Variants in TUBGCP3 observed in about 807,000 individuals in gnomAD.
TUBGCP3 encodes gamma-tubulin complex component 3.
Under a neutral mutation model 123.1 loss-of-function variants are expected in TUBGCP3, and 50 were observed. The observed-to-expected ratio is 0.41, with a 90% CI of 0.32 to 0.51. TUBGCP3 has a LOEUF of 0.51. Among genes scored for constraint, TUBGCP3 ranks in the 20% least tolerant of loss-of-function variants. TUBGCP3 has a pLI of 0.36. For missense variants in TUBGCP3, 882 were observed against 1,127.0 expected (o/e 0.78, Z 3.11); for synonymous variants, 405 against 413.9 (o/e 0.98, Z 0.26).
At position 112,588,101 on chromosome 13, in the gene TUBGCP3, G is replaced by A. The variant is rs1882765910; in HGVS notation, c.-121C>T. ...CTCCCTGCTCCTGACAGGCTAAGGC[G>A]CGGGCGCCGCCGGCCACCAGGGCGC... On this transcript the variant is annotated 5_prime_UTR_variant, in exon 1 of 22. Transcript: ENST00000261965. 1 of 891,016 alleles carries A rather than the reference G, an allele frequency of 1.1e-6. No homozygotes were observed. Among genetic ancestry groups the A allele is most frequent in the South Asian group, 3.2e-5 (1 of 31,296 alleles). 55.2% of individuals were successfully genotyped at this position (891,016 alleles called of 1,614,324 possible).
intron 1 of TUBGCP3, among the ~76,000 whole-genome samples, chr13:112,569,892 A>G (rs750881093): frequency 2.0e-5 from 3 of 152,186 alleles, no homozygotes; most frequent in Non-Finnish European, 2.9e-5. Flanking sequence ...GGACAATGAA[A>G]CCGGAACACT....
At chr13:112,559,290 G>T (rs887079958) in intron 4 of TUBGCP3, 32 bp downstream of exon 4, 1 of 1,589,580 alleles carries the variant, frequency 6.3e-7, no homozygotes, top group East Asian at 2.3e-5. Context: ...GTGTCCCGAC[G>T]GACACGACGC....
At chr13:112,579,652 G>C (rs2139319351) in intron 1 of TUBGCP3, among the ~76,000 whole-genome samples, 1 of 150,708 alleles carries the variant, frequency 6.6e-6, no homozygotes. Context: ...AGTGGGGGTG[G>C]AGCCATGGCA....
At chr13:112,581,100 C>A (rs771198335) in intron 1 of TUBGCP3, among the ~76,000 whole-genome samples, 46 of 152,288 alleles carry the variant, frequency 3.0e-4, no homozygotes, top group African/African-American at 1.1e-3. Flanking sequence ...CCTTGCTCCC[C>A]ACATTGCACT....
chr13:112,549,774 G>C, intron 8 of TUBGCP3, among the ~76,000 whole-genome samples: 1 of 151,882 alleles, frequency 6.6e-6, no homozygotes, highest in African/African-American at 2.4e-5. Flanking sequence ...CGGATCACGA[G>C]GCCAGGAGAT....
At chr13:112,556,569 C>G (rs889087250) in intron 5 of TUBGCP3, among the ~76,000 whole-genome samples, 1 of 152,160 alleles carries the variant, frequency 6.6e-6, no homozygotes, top group African/African-American at 2.4e-5. Context: ...CACCCCATAA[C>G]CACTTTGAAA....
upstream of TUBGCP3, among the ~76,000 whole-genome samples, chr13:112,590,392 A>G (rs982295643): frequency 6.6e-6 from 1 of 152,172 alleles, no homozygotes; most frequent in Admixed American, 6.5e-5. Flanking sequence ...GCTCACGGGT[A>G]TACAGTCAGG....
At chr13:112,517,806 G>A (rs1158248047) in intron 16 of TUBGCP3, among the ~76,000 whole-genome samples, 3 of 152,062 alleles carry the variant, frequency 2.0e-5, no homozygotes, top group African/African-American at 7.2e-5. Flanking sequence ...CAGGAGAATC[G>A]CTTGAATCTC....
At chr13:112,503,925 C>T in intron 19 of TUBGCP3, 107 bp downstream of exon 19, 4 of 1,325,762 alleles carry the variant, frequency 3.0e-6, no homozygotes, top group East Asian at 4.7e-5. Flanking sequence ...GAATTATTAC[C>T]AATGTGGCTG....
At chr13:112,491,514 G>C (rs1880101509) in intron 20 of TUBGCP3, among the ~76,000 whole-genome samples, 1 of 152,144 alleles carries the variant, frequency 6.6e-6, no homozygotes, top group Non-Finnish European at 1.5e-5. Flanking sequence ...TTACTGTTTT[G>C]TGCTCTGAAC....
intron 1 of TUBGCP3, among the ~76,000 whole-genome samples, 189 bp downstream of exon 1, chr13:112,587,716 C>G (rs1882717933): frequency 6.6e-6 from 1 of 152,158 alleles, no homozygotes; most frequent in African/African-American, 2.4e-5. Flanking sequence ...GCTGTCCTCC[C>G]CGGCTCCCTG....
chr13:112,526,968 G>A lies in TUBGCP3; in HGVS notation c.1529C>T (p.Thr510Ile), dbSNP rs1877183985. 1.2e-6 allele frequency: 2 copies of A among 1,613,954 alleles called. No homozygotes were observed. Among genetic ancestry groups the A allele is most frequent in the Non-Finnish European group, 1.7e-6 (2 of 1,179,984 alleles). ...QTPTTKMIAVTKSAESPQDAA... is the reference protein window; with the variant it reads ...QTPTTKMIAVIKSAESPQDAA... ...GTCCTGGGGTGACTCTGCAGACTTG[G>A]TCACAGCTATCATCTTTGTAGTGGG... is the stretch of plus-strand genomic sequence containing the variant. The change falls in exon 13 of 22, where the codon ACC (threonine) becomes ATC (isoleucine). Residue 510 changes from threonine to isoleucine, a missense_variant. By Grantham distance (89) the Thr-to-Ile change is moderately conservative. Transcript: ENST00000261965.
At chr13:112,574,687 CT>C (rs1035449488) in intron 1 of TUBGCP3, among the ~76,000 whole-genome samples, 2 of 152,220 alleles carry the variant, frequency 1.3e-5, no homozygotes, top group African/African-American at 4.8e-5. Flanking sequence ...ATGTAAAACT[CT>C]GGCAAAAATA....
chr13:112,548,015 G>T, intron 9 of TUBGCP3, 93 bp downstream of exon 9: 1 of 1,000,936 alleles, frequency 1.0e-6, no homozygotes, highest in Non-Finnish European at 1.4e-6. Flanking sequence ...TATTTTAAAA[G>T]TAATGTATGA....
chr13:112,555,610 T>A lies in TUBGCP3; in HGVS notation c.721+442A>T, dbSNP rs1352319431. Among the ~76,000 whole-genome samples, 11 of 152,228 alleles carry A rather than the reference T, an allele frequency of 7.2e-5. No individual in the cohort carries two copies. The East Asian group carries it at 2.1e-3, about 29-fold the overall frequency. Reference sequence around the variant, plus strand: ...AATTCCTCAATGACTCTCTTCGACGTGCCAGGCACTGTGCTGAGCACTGGC... The same window carrying A: ...AATTCCTCAATGACTCTCTTCGACGAGCCAGGCACTGTGCTGAGCACTGGC... On this transcript the variant is annotated intron_variant, in intron 6 of 21. Transcript: ENST00000261965.
chr13:112,571,058 G>A (rs1881353152), intron 1 of TUBGCP3, among the ~76,000 whole-genome samples: 1 of 152,138 alleles, frequency 6.6e-6, no homozygotes, highest in Admixed American at 6.5e-5. Context: ...TTCCTCCACT[G>A]AAGGCTTGAA....
At chr13:112,553,012 C>G (rs1285643996) in intron 8 of TUBGCP3, among the ~76,000 whole-genome samples, 6 of 150,766 alleles carry the variant, frequency 4.0e-5, no homozygotes, top group African/African-American at 1.5e-4. Flanking sequence ...TTACCCACCA[C>G]CCACACTCCT....
intron 1 of TUBGCP3, among the ~76,000 whole-genome samples, chr13:112,585,946 A>G (rs1882577507): frequency 6.6e-6 from 1 of 151,860 alleles, no homozygotes; most frequent in African/African-American, 2.4e-5. Context: ...ATGTAAAAAA[A>G]AAAAAGTTTT....
chr13:112,568,752 T>C (rs770864041), intron 2 of TUBGCP3, among the ~76,000 whole-genome samples: 95 of 152,318 alleles, frequency 6.2e-4, no homozygotes, highest in Non-Finnish European at 1.1e-3. Flanking sequence ...GCTGGCCACC[T>C]GGAAAAACCA....
Sources: gnomAD v4.1 joint callset for allele counts (sites outside exome capture counted in the v4.1 genomes callset) on GRCh38, gnomAD v4.1.1 for gene constraint, MANE v1.5 for transcripts, NCBI Gene and HGNC (gene_info 2026-07-23, HGNC 2026-07-21) for gene names.